Variants in AFG2A observed in about 807,000 individuals in gnomAD.
The protein encoded by AFG2A is ATPase family gene 2 protein homolog A.
At chr4:123,059,851 T>C in the AFG2A span, among the ~76,000 whole-genome samples, 2 of 152,068 alleles carry the variant, frequency 1.3e-5, no homozygotes, top group South Asian at 2.1e-4. Context: ...CCATTCTAAC[T>C]GGTGTGAGAT....
the AFG2A span, among the ~76,000 whole-genome samples, chr4:123,285,391 T>G: frequency 3.3e-5 from 5 of 152,142 alleles, no homozygotes; most frequent in African/African-American, 1.2e-4. Flanking sequence ...ATTCTTAGGC[T>G]TTCCCTTCTC....
At chr4:122,949,173 G>T in the AFG2A span, among the ~76,000 whole-genome samples, 2 of 152,292 alleles carry the variant, frequency 1.3e-5, no homozygotes, top group South Asian at 4.1e-4. Flanking sequence ...CCGCCCTTGT[G>T]GGGGCAGTTA....
At chr4:123,250,195 A>G in the AFG2A span, among the ~76,000 whole-genome samples, 12 of 152,318 alleles carry the variant, frequency 7.9e-5, no homozygotes, top group South Asian at 2.1e-4. Flanking sequence ...ACATGAAACT[A>G]TAAGTGTTGA....
At chr4:123,131,970 C>T in the AFG2A span, among the ~76,000 whole-genome samples, 1 of 91,306 alleles carries the variant, frequency 1.1e-5, no homozygotes, top group African/African-American at 2.7e-5. Flanking sequence ...ATTTCTGATT[C>T]TTTTCTTTTT....
chr4:123,182,899 A>G, the AFG2A span, among the ~76,000 whole-genome samples: 1 of 152,214 alleles, frequency 6.6e-6, no homozygotes, highest in Non-Finnish European at 1.5e-5. Flanking sequence ...GAAATCTAAG[A>G]TGGATTTTTC....
chr4:122,934,832 G>T, the AFG2A span: 1 of 1,445,144 alleles, frequency 6.9e-7, no homozygotes. Context: ...CTCTTTTCCT[G>T]TTTTTATTTT....
At chr4:123,008,731 TG>T in the AFG2A span, among the ~76,000 whole-genome samples, 1 of 152,158 alleles carries the variant, frequency 6.6e-6, no homozygotes, top group Admixed American at 6.5e-5. Context: ...TAAGGTAAAA[TG>T]GGGCATGATG....
the AFG2A span, among the ~76,000 whole-genome samples, chr4:123,253,110 T>C: frequency 1.3e-5 from 2 of 151,928 alleles, no homozygotes; most frequent in Non-Finnish European, 2.9e-5. Flanking sequence ...GAGGCCAAGG[T>C]GGGTGGATCA....
At chr4:123,037,441 A>G in the AFG2A span, among the ~76,000 whole-genome samples, 1 of 152,108 alleles carries the variant, frequency 6.6e-6, no homozygotes, top group African/African-American at 2.4e-5. Flanking sequence ...TATTAATGGC[A>G]GTTTTTCTTG....
At chr4:123,128,678 A>G in the AFG2A span, among the ~76,000 whole-genome samples, 2 of 152,228 alleles carry the variant, frequency 1.3e-5, no homozygotes, top group South Asian at 4.1e-4. Flanking sequence ...CTGAGAGTTC[A>G]CTTAAAATTA....
chr4:123,172,147 G>A, the AFG2A span, among the ~76,000 whole-genome samples: 1 of 152,120 alleles, frequency 6.6e-6, no homozygotes, highest in Non-Finnish European at 1.5e-5. Flanking sequence ...ATTTGGTTTA[G>A]GAAGTGGGGT....
the AFG2A span, among the ~76,000 whole-genome samples, chr4:123,176,820 T>C: frequency 6.6e-6 from 1 of 151,940 alleles, no homozygotes; most frequent in Non-Finnish European, 1.5e-5. Flanking sequence ...ATCTTATCTA[T>C]ATTTACTACT....
the AFG2A span, among the ~76,000 whole-genome samples, chr4:123,260,837 A>G: frequency 1.3e-5 from 2 of 152,182 alleles, no homozygotes; most frequent in African/African-American, 4.8e-5. Context: ...GCAGCACAGT[A>G]CTTAGCACTC....
At chr4:123,313,704 G>C in the AFG2A span, among the ~76,000 whole-genome samples, 7 of 152,210 alleles carry the variant, frequency 4.6e-5, no homozygotes, top group Non-Finnish European at 1.0e-4. Context: ...AGAACAGAAT[G>C]CTCTGTATAT....
At chr4:123,187,267 A>G in the AFG2A span, among the ~76,000 whole-genome samples, 1 of 152,206 alleles carries the variant, frequency 6.6e-6, no homozygotes, top group Non-Finnish European at 1.5e-5. Flanking sequence ...TACTTTATGT[A>G]TAAGCTCTTT....
chr4:122,989,686 T>C, the AFG2A span, among the ~76,000 whole-genome samples: 1 of 152,040 alleles, frequency 6.6e-6, no homozygotes, highest in Non-Finnish European at 1.5e-5. Flanking sequence ...GGGGCTGACC[T>C]TGGGCTGGGA....
the AFG2A span, among the ~76,000 whole-genome samples, chr4:122,944,921 G>C: frequency 1.3e-5 from 2 of 152,124 alleles, no homozygotes; most frequent in African/African-American, 4.8e-5. Context: ...TGTTTGCCTG[G>C]GTATCAACAG....
At chr4:123,258,037 A>G in the AFG2A span, among the ~76,000 whole-genome samples, 1 of 152,332 alleles carries the variant, frequency 6.6e-6, no homozygotes, top group African/African-American at 2.4e-5. Flanking sequence ...TCTTCTGAAA[A>G]TCGTCACAGG....
the AFG2A span, among the ~76,000 whole-genome samples, chr4:123,241,668 C>T: frequency 2.0e-5 from 3 of 152,144 alleles, no homozygotes; most frequent in African/African-American, 7.2e-5. Context: ...AACCCACAGC[C>T]AATATCATAC....
Sources: allele counts gnomAD v4.1 joint callset (sites outside exome capture counted in the v4.1 genomes callset), GRCh38; gene constraint gnomAD v4.1.1; transcripts MANE v1.5; gene names NCBI Gene and HGNC (gene_info 2026-07-23, HGNC 2026-07-21).